CADPS2: variants seen among roughly 807,000 people sequenced by gnomAD.
CADPS2 encodes the protein calcium-dependent secretion activator 2.
A neutral mutation model predicts 172.5 loss-of-function variants in CADPS2; 93 were observed. The observed-to-expected ratio is 0.54, with a 90% CI of 0.46 to 0.64. CADPS2 has a LOEUF of 0.64. Among genes scored for constraint, CADPS2 ranks in the 30% least tolerant of loss-of-function variants. The probability of loss-of-function intolerance (pLI) is 0.00; values close to 1 mark genes in which losing one functional copy is unlikely to be tolerated. For missense variants in CADPS2, 1,420 were observed against 1,565.9 expected (o/e 0.91, Z 1.57); for synonymous variants, 546 against 555.2 (o/e 0.98, Z 0.23).
chr7:122,744,100 A>G (rs2092616886), intron 1 of CADPS2, among the ~76,000 whole-genome samples: 1 of 152,232 alleles, frequency 6.6e-6, no homozygotes, highest in South Asian at 2.1e-4. Flanking sequence ...AACCAGATGC[A>G]AGCAAATGTA....
intron 1 of CADPS2, among the ~76,000 whole-genome samples, chr7:122,747,178 G>GTTGGC (rs2092752569): frequency 6.6e-6 from 1 of 152,050 alleles, no homozygotes; most frequent in East Asian, 1.9e-4. Context: ...ATTCTGAGAA[G>GTTGGC]TTCTCATTGC....
chr7:122,574,038 T>C (rs6949494), intron 7 of CADPS2, among the ~76,000 whole-genome samples: 1,594 of 152,260 alleles, frequency 0.01, 26 homozygotes, highest in African/African-American at 0.036. Flanking sequence ...TTATCTTTAC[T>C]ATGTAAGTTT....
chr7:122,643,388 C>T (rs1392983270), intron 3 of CADPS2, among the ~76,000 whole-genome samples: 3 of 152,204 alleles, frequency 2.0e-5, no homozygotes, highest in Non-Finnish European at 4.4e-5. Context: ...TTTGCTGGCT[C>T]CCTACTCTCT....
chr7:122,433,818 TTC>T (rs1349492974), intron 17 of CADPS2, among the ~76,000 whole-genome samples: 1 of 152,176 alleles, frequency 6.6e-6, no homozygotes, highest in Non-Finnish European at 1.5e-5. Flanking sequence ...AGGAGAAGAT[TTC>T]TGTTTGGTTG....
chr7:122,699,920 A>G (rs978941385), intron 2 of CADPS2, among the ~76,000 whole-genome samples: 5 of 152,238 alleles, frequency 3.3e-5, no homozygotes, highest in Non-Finnish European at 7.3e-5. Flanking sequence ...CTTAAAGTTA[A>G]CCATTAGCAG....
chr7:122,532,460 T>C (rs1423026452), intron 8 of CADPS2, among the ~76,000 whole-genome samples: 1 of 152,164 alleles, frequency 6.6e-6, no homozygotes, highest in Non-Finnish European at 1.5e-5. Flanking sequence ...GGTTTTCAAA[T>C]GTTAATAAGC....
intron 3 of CADPS2, among the ~76,000 whole-genome samples, chr7:122,656,034 G>A (rs1053189494): frequency 2.6e-5 from 4 of 152,114 alleles, no homozygotes; most frequent in Non-Finnish European, 5.9e-5. Flanking sequence ...CTAGAAAGAT[G>A]GGCAAATCCA....
At chr7:122,693,587 G>A (rs1204747380) in intron 2 of CADPS2, among the ~76,000 whole-genome samples, 1 of 152,160 alleles carries the variant, frequency 6.6e-6, no homozygotes, top group Non-Finnish European at 1.5e-5. Flanking sequence ...CCTGAACACT[G>A]AGACTTGGAA....
intron 8 of CADPS2, among the ~76,000 whole-genome samples, chr7:122,541,362 A>AT (rs34290734): frequency 0.59 from 77,991 of 132,496 alleles, 23,952 homozygotes; most frequent in East Asian, 0.9. Context: ...ACACCCAGCT[A>AT]TTTTTTTTTT....
At chr7:122,834,040 C>T (rs988263458) in intron 1 of CADPS2, among the ~76,000 whole-genome samples, 1 of 152,068 alleles carries the variant, frequency 6.6e-6, no homozygotes, top group African/African-American at 2.4e-5. Flanking sequence ...GACGGACATA[C>T]AGAAACCAGA....
At chr7:122,624,858 G>C (rs1449439976) in intron 4 of CADPS2, among the ~76,000 whole-genome samples, 1 of 152,134 alleles carries the variant, frequency 6.6e-6, no homozygotes, top group African/African-American at 2.4e-5. Context: ...ACAAAGTCCT[G>C]ATAGACTTAG....
chr7:122,444,349 TG>T (rs1430677068), intron 15 of CADPS2, among the ~76,000 whole-genome samples: 1 of 152,150 alleles, frequency 6.6e-6, no homozygotes, highest in African/African-American at 2.4e-5. Flanking sequence ...CTGGGTCATA[TG>T]ATAAATGTTT....
chr7:122,810,584 T>C (rs1460514048), intron 1 of CADPS2, among the ~76,000 whole-genome samples: 1 of 152,168 alleles, frequency 6.6e-6, no homozygotes, highest in African/African-American at 2.4e-5. Context: ...CAACAGGCTA[T>C]GTAATAATGT....
intron 28 of CADPS2, among the ~76,000 whole-genome samples, chr7:122,337,337 G>C (rs921862043): frequency 6.6e-6 from 1 of 152,218 alleles, no homozygotes; most frequent in Non-Finnish European, 1.5e-5. Context: ...CTCATGCAAA[G>C]ATGTGTATTT....
chr7:122,463,825 G>A (rs1007702462), intron 14 of CADPS2, among the ~76,000 whole-genome samples: 9 of 152,158 alleles, frequency 5.9e-5, no homozygotes, highest in Non-Finnish European at 7.3e-5. Flanking sequence ...GAACAATTTT[G>A]TAAATGGATG....
At chr7:122,850,031 G>C (rs1462163764) in intron 1 of CADPS2, 4 of 1,048,894 alleles carry the variant, frequency 3.8e-6, no homozygotes, top group Non-Finnish European at 5.2e-6. Context: ...AGGCCCTGCT[G>C]CATCTGCAGT....
chr7:122,779,249 A>C (rs923780160), intron 1 of CADPS2, among the ~76,000 whole-genome samples: 4 of 152,154 alleles, frequency 2.6e-5, no homozygotes. Context: ...ATCTCAGTGC[A>C]CACAACAATA....
chr7:122,427,769 T>G (rs1416652203), intron 17 of CADPS2, among the ~76,000 whole-genome samples: 3 of 152,174 alleles, frequency 2.0e-5, no homozygotes, highest in African/African-American at 7.2e-5. Context: ...TTCAGTATAC[T>G]TTATTTAAAT....
intron 17 of CADPS2, among the ~76,000 whole-genome samples, chr7:122,416,537 A>G (rs1402974075): frequency 2.0e-5 from 3 of 152,168 alleles, no homozygotes; most frequent in Non-Finnish European, 4.4e-5. Context: ...TTCTCACCAC[A>G]TGATTCATTC....
Sources: allele counts gnomAD v4.1 joint callset (sites outside exome capture counted in the v4.1 genomes callset), GRCh38; gene constraint gnomAD v4.1.1; transcripts MANE v1.5; gene names NCBI Gene and HGNC (gene_info 2026-07-23, HGNC 2026-07-21).